SLC5A5: variants seen among roughly 807,000 people sequenced by gnomAD.
SLC5A5 encodes solute carrier family 5 member 5.
SLC5A5 carries 56 observed loss-of-function variants against 68.6 expected under a neutral mutation model. The observed-to-expected ratio is 0.82, with a 90% CI of 0.66 to 1.02. The LOEUF is 1.02. Ranked by LOEUF, SLC5A5 falls within the 50% of genes least tolerant of loss-of-function variation. The pLI, the probability that SLC5A5 is intolerant of heterozygous loss-of-function variation, is 0.00. For synonymous variants in SLC5A5, 398 were observed against 373.0 expected (o/e 1.07, Z -0.77); for missense variants, 807 against 859.8 (o/e 0.94, Z 0.77).
chr19:17,873,807 T>C (rs765072815), intron 1 of SLC5A5, among the ~76,000 whole-genome samples: 17 of 151,714 alleles, frequency 1.1e-4, no homozygotes, highest in Non-Finnish European at 2.5e-4. Context: ...GCCAACACCA[T>C]TGGCCCGGGG....
Position 17,882,108 on chromosome 19 carries a change from C to T in SLC5A5, c.1171+36C>T, listed in dbSNP as rs1458327499. 4 of 1,610,018 alleles carry T rather than the reference C, an allele frequency of 2.5e-6. No individual in the cohort carries two copies. In the South Asian group the frequency reaches 3.3e-5, roughly 13 times the overall value. On this transcript the variant is annotated intron_variant, in intron 9 of 14. Transcript: ENST00000222248. ...GGGAGACCTGGGTGGGAGGCCAGGG[C>T]AGTCCCTCCCCGTTGACCGTGCCAT...
intron 13 of SLC5A5, among the ~76,000 whole-genome samples, chr19:17,890,066 T>C (rs2030105098): frequency 6.6e-6 from 1 of 151,942 alleles, no homozygotes; most frequent in Admixed American, 6.6e-5. Context: ...AATGTCTTTG[T>C]TTTGTTTTGT....
At chr19:17,872,951 C>A (rs1007938535) in intron 1 of SLC5A5, among the ~76,000 whole-genome samples, 1 of 152,198 alleles carries the variant, frequency 6.6e-6, no homozygotes, top group African/African-American at 2.4e-5. Context: ...CCAGGTGTGT[C>A]CTCACGGGTG....
At position 17,872,330 on chromosome 19, in the gene SLC5A5, TG is replaced by T; in HGVS notation, c.13del (p.Glu5ArgfsTer92). ...TCCGCACCCGCCCTCATGGAGGCCG[TG>T]GAGACCGGGGAACGGCCCACCTTCG... MEA[V>X]ETGERPTFGA... On this transcript the variant is annotated frameshift_variant, in exon 1 of 15. Coordinates refer to ENST00000222248, the MANE Select transcript of SLC5A5 (RefSeq NM_000453.3). LOFTEE classifies it high-confidence loss of function. 3.2e-6 allele frequency: 5 copies of T among 1,578,992 alleles called. No individual in the cohort carries two copies. Among genetic ancestry groups the T allele is most frequent in the Non-Finnish European group, 4.3e-6 (5 of 1,163,634 alleles).
intron 1 of SLC5A5, among the ~76,000 whole-genome samples, 192 bp from the exon 2 acceptor site, chr19:17,873,946 C>T (rs1055190591): frequency 6.6e-6 from 1 of 152,232 alleles, no homozygotes; most frequent in Non-Finnish European, 1.5e-5. Flanking sequence ...TCCAGGTCCA[C>T]GGGGTACGCA....
In SLC5A5 at chr19:17,877,976, C is replaced by A; in HGVS notation, c.852C>A (p.Ile284=). Reference sequence around the variant, plus strand: ...CCTCTTCCCCCAGGGCCCTGCTCATCAACCAGGTCGGCCTGTTCCTGATCG... The same window carrying A: ...CCTCTTCCCCCAGGGCCCTGCTCATAAACCAGGTCGGCCTGTTCCTGATCG... The part of the protein sequence containing the change: ...TEKQAKLALL[I]NQVGLFLIVS... Residue 284 remains isoleucine (I), a synonymous_variant, in exon 7 of 15, where the codon ATC becomes ATA. Transcript: ENST00000222248. 1 of 1,613,602 alleles carries A rather than the reference C, an allele frequency of 6.2e-7. No homozygotes were observed. Among genetic ancestry groups the A allele is most frequent in the Non-Finnish European group, 8.5e-7 (1 of 1,180,028 alleles).
At chr19:17,881,522 C>T (rs147494769) in intron 8 of SLC5A5, among the ~76,000 whole-genome samples, 29 of 152,314 alleles carry the variant, frequency 1.9e-4, no homozygotes, top group African/African-American at 6.5e-4. Flanking sequence ...ATGCTTTGGC[C>T]TCGCAAAGTG....
intron 14 of SLC5A5, among the ~76,000 whole-genome samples, chr19:17,893,258 G>A (rs554422130): frequency 1.3e-5 from 2 of 151,514 alleles, no homozygotes; most frequent in African/African-American, 4.8e-5. Context: ...ATGCACCACC[G>A]AGTCTGGTTA....
Position 17,892,691 on chromosome 19 carries a change from A to C in SLC5A5, c.1768-1022A>C, listed in dbSNP as rs147742431. On this transcript the variant is annotated intron_variant, in intron 14 of 14. Coordinates refer to ENST00000222248, the MANE Select transcript of SLC5A5 (RefSeq NM_000453.3). The stretch of plus-strand genomic sequence containing the variant: ...GAGAGAGAGAGAGAGAGAGAGAGAG[A>C]GAGAGAGCAAGCTAAAAAGAAAAAC... Among the ~76,000 whole-genome samples, 18 of 150,104 alleles carry C rather than the reference A, an allele frequency of 1.2e-4. No homozygotes were observed. In the South Asian group the frequency reaches 1.5e-3, roughly 12 times the overall value.
At position 17,894,013 on chromosome 19, in the gene SLC5A5, C is replaced by G. The variant is rs886054283; in HGVS notation, c.*136C>G. The stretch of plus-strand genomic sequence containing the variant: ...CAAATGAGTTCAGGACTACAATACC[C>G]TACCCTATGGGGAGGCCCTGCCTCC... On this transcript the variant is annotated 3_prime_UTR_variant, in exon 15 of 15. Coordinates refer to ENST00000222248, the MANE Select transcript of SLC5A5 (RefSeq NM_000453.3). The G allele has an allele frequency of 5.7e-6, 5 of 872,088 alleles. No individual in the cohort carries two copies. The highest frequency in any genetic ancestry group is 9.2e-6 in the Non-Finnish European group (5 of 546,198). The allele number at this position is 872,088 out of a possible 1,614,324, so 54.0% of individuals were successfully genotyped here.
Position 17,872,493 on chromosome 19 carries a change from C to T in SLC5A5, c.174C>T (p.Pro58=), listed in dbSNP as rs368396560. ...GGGGCCGGCGCCTGGCGGCCCTGCC[C>T]GTGGGCCTGTCGCTGTCTGCCAGCT... ...FTGGRRLAAL[P]VGLSLSASFM... is the part of the protein sequence containing the mutation. The change falls in exon 1 of 15, where the codon CCC becomes CCT. Residue 58 remains proline, a synonymous_variant. Transcript: ENST00000222248. 2 of 1,612,440 alleles carry T rather than the reference C, an allele frequency of 1.2e-6. No individual in the cohort carries two copies. Among genetic ancestry groups the T allele is most frequent in the Non-Finnish European group, 1.7e-6 (2 of 1,179,768 alleles).
intron 4 of SLC5A5, among the ~76,000 whole-genome samples, chr19:17,874,992 G>A (rs563950534): frequency 6.6e-6 from 1 of 152,276 alleles, no homozygotes; most frequent in East Asian, 1.9e-4. Flanking sequence ...GCTTCATCCT[G>A]GGGCTGGCTG....
intron 5 of SLC5A5, 75 bp from the exon 6 acceptor site, chr19:17,877,648 C>T (rs7250061): frequency 0.027 from 42,976 of 1,576,396 alleles, 2,121 homozygotes; most frequent in East Asian, 0.21. Context: ...GGTCCAGAAG[C>T]GCTGTCTGGG....
intron 4 of SLC5A5, 45 bp downstream of exon 4, chr19:17,874,776 C>T (rs1255933001): frequency 1.3e-6 from 2 of 1,586,240 alleles, no homozygotes; most frequent in South Asian, 2.2e-5. Context: ...ATCGGGCCCA[C>T]TGTGTCTCTT....
At chr19:17,889,146 C>T (rs2030053054) in intron 13 of SLC5A5, among the ~76,000 whole-genome samples, 1 of 151,870 alleles carries the variant, frequency 6.6e-6, no homozygotes, top group Admixed American at 6.6e-5. Flanking sequence ...CCTGTTATCC[C>T]AGCACTTTGG....
intron 13 of SLC5A5, 133 bp downstream of exon 13, chr19:17,888,588 C>CTTATTA (rs10651875): frequency 0.018 from 8,551 of 468,744 alleles, 169 homozygotes; most frequent in African/African-American, 0.037. Context: ...ACATTTGTAC[C>CTTATTA]TTATTATTAT....
chr19:17,872,705 C>T (rs753335400), intron 1 of SLC5A5, 29 bp downstream of exon 1: 5 of 1,357,330 alleles, frequency 3.7e-6, no homozygotes, highest in South Asian at 1.2e-5. Flanking sequence ...GGGGTAGGAC[C>T]TGCCCCACTG....
intron 5 of SLC5A5, 74 bp from the exon 6 acceptor site, chr19:17,877,649 G>A (rs897330133): frequency 2.2e-5 from 35 of 1,583,460 alleles, no homozygotes; most frequent in Admixed American, 5.3e-5. Context: ...GTCCAGAAGC[G>A]CTGTCTGGGG....
Position 17,889,510 on chromosome 19 carries a change from T to C in SLC5A5, c.1651+1055T>C, listed in dbSNP as rs1212483937. Among the ~76,000 whole-genome samples the C allele has an allele frequency of 2.6e-5, 4 of 151,986 alleles. No individual in the cohort carries two copies. In the East Asian group the frequency reaches 7.7e-4, roughly 29 times the overall value. On this transcript the variant is annotated intron_variant, in intron 13 of 14. Coordinates refer to ENST00000222248, the MANE Select transcript of SLC5A5 (RefSeq NM_000453.3). ...AAAGAAAAGAGACAGGTCTCACTGTTACCCAGACTGGAGTGCAGTGGCACA... is the reference window on the plus strand; with the variant it reads ...AAAGAAAAGAGACAGGTCTCACTGTCACCCAGACTGGAGTGCAGTGGCACA...
Sources: allele counts gnomAD v4.1 joint callset (sites outside exome capture counted in the v4.1 genomes callset), GRCh38; gene constraint gnomAD v4.1.1; transcripts MANE v1.5; gene names NCBI Gene and HGNC (gene_info 2026-07-23, HGNC 2026-07-21).